Variants in SF3A1 observed in about 807,000 individuals in gnomAD.
SF3A1 encodes the protein splicing factor 3a subunit 1.
A neutral mutation model predicts 89.9 loss-of-function variants in SF3A1; 13 were observed. The observed-to-expected ratio is 0.14, with a 90% CI of 0.09 to 0.23. SF3A1 has a LOEUF of 0.23. SF3A1 is among the 10% of genes least tolerant of loss of function. SF3A1 has a pLI of 1.00. For synonymous variants in SF3A1, 405 were observed against 374.4 expected (o/e 1.08, Z -0.94); for missense variants, 604 against 1,022.1 (o/e 0.59, Z 5.58).
chr22:30,346,833 CTATT>C (rs1325576687), intron 2 of SF3A1, among the ~76,000 whole-genome samples: 2 of 152,036 alleles, frequency 1.3e-5, no homozygotes, highest in African/African-American at 2.4e-5. Context: ...TAAAAAAAAT[CTATT>C]TAAGATGGAG....
intron 2 of SF3A1, among the ~76,000 whole-genome samples, chr22:30,350,304 T>A (rs5753085): frequency 6.7e-5 from 9 of 135,070 alleles, no homozygotes; most frequent in Non-Finnish European, 9.8e-5. Context: ...ACAAAAAAAC[T>A]AAAAAAAATA....
chr22:30,353,110 C>G (rs1262319091), intron 1 of SF3A1, 38 bp from the exon 2 acceptor site: 5 of 1,609,294 alleles, frequency 3.1e-6, no homozygotes, highest in Non-Finnish European at 4.2e-6. Flanking sequence ...TTTAAAGTCC[C>G]TGGTTCAGAG....
intron 13 of SF3A1, 97 bp downstream of exon 13, chr22:30,336,929 G>T: frequency 6.9e-7 from 1 of 1,443,980 alleles, no homozygotes; most frequent in Non-Finnish European, 9.7e-7. Context: ...CAGAAGCCAA[G>T]ACTGGGAGTG....
intron 9 of SF3A1, 23 bp downstream of exon 9, chr22:30,340,173 C>G (rs936073502): frequency 6.8e-7 from 1 of 1,472,678 alleles, no homozygotes; most frequent in Non-Finnish European, 9.0e-7. Context: ...CTACCATGGG[C>G]TCTCCTGGAA....
Position 30,334,231 on chromosome 22 carries a change from G to A in SF3A1, c.*363C>T, listed in dbSNP as rs1930997609. 5.6e-6 allele frequency: 1 copy of A among 179,738 alleles called. No individual in the cohort carries two copies. Among genetic ancestry groups the A allele is most frequent in the Non-Finnish European group, 1.2e-5 (1 of 86,748 alleles). The allele number at this position is 179,738 out of a possible 1,614,324, so 11.1% of individuals were successfully genotyped here. Reference sequence around the variant, plus strand: ...GACAACCCATGTCAAGGTACAAAATGATTAATGACAATATCAGCCATATTC... The same window carrying A: ...GACAACCCATGTCAAGGTACAAAATAATTAATGACAATATCAGCCATATTC... On this transcript the variant is annotated 3_prime_UTR_variant, in exon 16 of 16. Coordinates refer to ENST00000215793, the MANE Select transcript of SF3A1 (RefSeq NM_005877.6).
chr22:30,342,202 T>C lies in SF3A1; in HGVS notation c.875A>G (p.Gln292Arg). The C allele has an allele frequency of 6.2e-7, 1 of 1,614,180 alleles. No individual in the cohort carries two copies. The highest frequency in any genetic ancestry group is 1.1e-5 in the South Asian group (1 of 91,082). ...GGAGTCACTCCTCACAGACCTACCT[T>C]GCTCATTGGGTTGGAAGTCCACTGT... ...VETVDFQPNE[Q>R]GNFPPPTTPE... Residue 292 changes from glutamine to arginine, a missense_variant and splice_region_variant, in exon 6 of 16, where the codon CAA (glutamine) becomes CGA (arginine). Gln to Arg is a conservative substitution (Grantham distance 43, BLOSUM62 1). Coordinates refer to ENST00000215793, the MANE Select transcript of SF3A1 (RefSeq NM_005877.6).
intron 12 of SF3A1, 84 bp from the exon 13 acceptor site, chr22:30,337,264 T>C: frequency 1.5e-6 from 2 of 1,302,028 alleles, no homozygotes; most frequent in Non-Finnish European, 2.1e-6. Context: ...GAGGGAAGGT[T>C]GCAAAGGTTT....
intron 9 of SF3A1, 39 bp downstream of exon 9, chr22:30,340,157 C>T (rs1473571755): frequency 3.5e-6 from 5 of 1,426,352 alleles, no homozygotes; most frequent in Admixed American, 3.3e-5. Flanking sequence ...GGCTGTAATT[C>T]GGAGACTACC....
At chr22:30,344,482 T>C (rs1931357323) in intron 4 of SF3A1, among the ~76,000 whole-genome samples, 2 of 152,208 alleles carry the variant, frequency 1.3e-5, no homozygotes, top group South Asian at 2.1e-4. Flanking sequence ...CTGACAGACC[T>C]TGAGTACGTG....
At chr22:30,342,572 T>C (rs569972047) in intron 5 of SF3A1, 14 of 631,960 alleles carry the variant, frequency 2.2e-5, no homozygotes, top group Middle Eastern at 4.2e-4. Context: ...TTCTGTCTTC[T>C]AGCTAGAGTG....
intron 14 of SF3A1, 53 bp from the exon 15 acceptor site, chr22:30,335,591 A>C: frequency 6.2e-7 from 1 of 1,612,584 alleles, no homozygotes; most frequent in Admixed American, 1.7e-5. Flanking sequence ...AGCTAGAGGA[A>C]GCTTTCCCCT....
In SF3A1 at chr22:30,337,674, T is replaced by G; in HGVS notation, c.1951+16A>C. On this transcript the variant is annotated intron_variant, in intron 12 of 15. Coordinates refer to ENST00000215793, the MANE Select transcript of SF3A1 (RefSeq NM_005877.6). Reference sequence around the variant, plus strand: ...CCTGAACTAATGGCCTGGAAAATGATGCAAGAGATACTGACCTGTTGGCAC... The same window carrying G: ...CCTGAACTAATGGCCTGGAAAATGAGGCAAGAGATACTGACCTGTTGGCAC... The G allele has an allele frequency of 4.4e-6, 4 of 901,282 alleles. No homozygotes were observed. Among genetic ancestry groups the G allele is most frequent in the Non-Finnish European group, 6.4e-6 (4 of 624,228 alleles). The allele number at this position is 901,282 out of a possible 1,614,324, so 55.8% of individuals were successfully genotyped here.
chr22:30,349,924 C>T (rs1301801010), intron 2 of SF3A1, among the ~76,000 whole-genome samples: 1 of 152,060 alleles, frequency 6.6e-6, no homozygotes, highest in Non-Finnish European at 1.5e-5. Context: ...GGATTACAGG[C>T]GTGAGCCACC....
Position 30,338,688 on chromosome 22 carries a change from C to T in SF3A1, c.1743+101G>A, listed in dbSNP as rs537493678. 9.5e-6 allele frequency: 14 copies of T among 1,473,354 alleles called. No homozygotes were observed. The East Asian group carries it at 2.9e-4, about 31-fold the overall frequency. The allele number at this position is 1,473,354 out of a possible 1,614,324, so 91.3% of individuals were successfully genotyped here. A position where few individuals can be genotyped will look rare whatever the true frequency, so the allele number is the denominator to read the frequency against. On this transcript the variant is annotated intron_variant, in intron 11 of 15. Transcript: ENST00000215793. ...CTCTTTCAAACTGACCCACCCAACACTCAGGCCCCACTAAAAGGCAGCTGC... is the reference window on the plus strand; with the variant it reads ...CTCTTTCAAACTGACCCACCCAACATTCAGGCCCCACTAAAAGGCAGCTGC...
chr22:30,335,917 C>G (rs1389794190), intron 13 of SF3A1, among the ~76,000 whole-genome samples, 164 bp from the exon 14 acceptor site: 3 of 152,178 alleles, frequency 2.0e-5, no homozygotes, highest in Non-Finnish European at 4.4e-5. Context: ...GTACAAGTCA[C>G]CCCCCTTTGC....
At chr22:30,355,560 TC>T (rs1332297792) in intron 1 of SF3A1, among the ~76,000 whole-genome samples, 2 of 152,132 alleles carry the variant, frequency 1.3e-5, no homozygotes, top group Non-Finnish European at 2.9e-5. Flanking sequence ...CTTAAAACAC[TC>T]CCTTTTCTTC....
In SF3A1 at chr22:30,339,052, G is replaced by C. The variant is rs778423424; in HGVS notation, c.1498-18C>G. On this transcript the variant is annotated intron_variant, in intron 10 of 15. Coordinates refer to ENST00000215793, the MANE Select transcript of SF3A1 (RefSeq NM_005877.6). The stretch of plus-strand genomic sequence containing the variant: ...CAGGTCACCTGCAAGTGAAAGCAAA[G>C]CCACAATGCTTCTGGAACTAAGACC... 9.3e-6 allele frequency: 15 copies of C among 1,613,810 alleles called. No individual in the cohort carries two copies. In the South Asian group the frequency reaches 1.4e-4, roughly 15 times the overall value.
intron 9 of SF3A1, 98 bp downstream of exon 9, chr22:30,340,098 G>C: frequency 1.8e-6 from 2 of 1,105,112 alleles, no homozygotes; most frequent in Non-Finnish European, 2.5e-6. Flanking sequence ...CTCCTCAAAA[G>C]CTTTTGTTGA....
Position 30,342,823 on chromosome 22 carries a change from G to T in SF3A1, c.708C>A (p.Pro236=). The T allele has an allele frequency of 6.2e-7, 1 of 1,611,628 alleles. No homozygotes were observed. ...AGTTTACCTGATCCAAAACTTCTCG[G>T]GGGTTTTCAGCCTCTTTCTTGAGCT... ...FSKLKKEAEN[P]REVLDQVCYR... The change falls in exon 5 of 16, where the codon CCC becomes CCA. Residue 236 remains proline (P), a synonymous_variant. Transcript: ENST00000215793.
Sources: allele counts gnomAD v4.1 joint callset (sites outside exome capture counted in the v4.1 genomes callset), GRCh38; gene constraint gnomAD v4.1.1; transcripts MANE v1.5; gene names NCBI Gene and HGNC (gene_info 2026-07-23, HGNC 2026-07-21).